The following TRIM58 variants were observed in gnomAD, a reference collection of about 807,000 sequenced individuals.
TRIM58 encodes tripartite motif containing 58.
In TRIM58, 38 loss-of-function variants were observed where a neutral mutation model predicts 34.1. That is an observed-to-expected ratio of 1.12 (90% CI 0.86 to 1.46). The LOEUF is 1.46. Ranked by LOEUF, TRIM58 falls within the 40% of genes most tolerant of loss-of-function variation. The pLI is 0.00. For missense variants in TRIM58, 677 were observed against 642.0 expected (o/e 1.05, Z -0.59); for synonymous variants, 273 against 275.7 (o/e 0.99, Z 0.10).
intron 2 of TRIM58, among the ~76,000 whole-genome samples, chr1:247,863,707 TC>T (rs1663852819): frequency 6.6e-6 from 1 of 152,180 alleles, no homozygotes; most frequent in South Asian, 2.1e-4. Context: ...AATTTACCTC[TC>T]GTACTCAGCT....
chr1:247,859,423 C>T (rs1663726422), intron 1 of TRIM58, among the ~76,000 whole-genome samples: 1 of 152,066 alleles, frequency 6.6e-6, no homozygotes, highest in African/African-American at 2.4e-5. Flanking sequence ...TTATAATATT[C>T]TCCTTTTAAA....
chr1:247,864,399 C>T lies in TRIM58; in HGVS notation c.517-306C>T, dbSNP rs576522287. Among the ~76,000 whole-genome samples the T allele has an allele frequency of 3.5e-4, 54 of 152,178 alleles. No homozygotes were observed. In the South Asian group the frequency reaches 9.6e-3, roughly 27 times the overall value. ...CTGACCTCAAGCACTCCTCTTGCCTCGACCTCCCCAAAACCTCACATTTTG... is the reference window on the plus strand; with the variant it reads ...CTGACCTCAAGCACTCCTCTTGCCTTGACCTCCCCAAAACCTCACATTTTG... On this transcript the variant is annotated intron_variant, in intron 2 of 5. Transcript: ENST00000366481.
Position 247,860,651 on chromosome 1 carries a change from A to T in TRIM58, c.455A>T (p.Lys152Ile). 6.2e-7 allele frequency: 1 copy of T among 1,613,864 alleles called. No individual in the cohort carries two copies. The highest frequency in any genetic ancestry group is 8.5e-7 in the Non-Finnish European group (1 of 1,179,898). ...KLQMALELMR[K>I]ELEDALTQEA... ...CAGATGGCTCTGGAACTTATGAGGAAAGAGTTGGAGGACGCCTTGACTCAG... is the reference window on the plus strand; with the variant it reads ...CAGATGGCTCTGGAACTTATGAGGATAGAGTTGGAGGACGCCTTGACTCAG... Residue 152 changes from lysine to isoleucine, a missense_variant, in exon 2 of 6, where the codon AAA (lysine) becomes ATA (isoleucine). Transcript: ENST00000366481.
Position 247,868,210 on chromosome 1 carries a change from A to G in TRIM58, c.871+147A>G, listed in dbSNP as rs79846999. The G allele has an allele frequency of 1.4e-3, 906 of 649,982 alleles. 10 individuals carry two copies. The African/African-American group carries it at 0.015, about 11-fold the overall frequency. 40.3% of individuals were successfully genotyped at this position (649,982 alleles called of 1,614,324 possible). On this transcript the variant is annotated intron_variant, in intron 5 of 5. Coordinates refer to ENST00000366481, the MANE Select transcript of TRIM58 (RefSeq NM_015431.4). ...CTATGCCAGTCAGCTGCAGTGACCA[A>G]CAGAACCTAAAGTCTTAGTGGCCCA...
At chr1:247,862,093 A>C (rs1663806180) in intron 2 of TRIM58, among the ~76,000 whole-genome samples, 1 of 152,166 alleles carries the variant, frequency 6.6e-6, no homozygotes, top group Non-Finnish European at 1.5e-5. Context: ...GTGCCATTGC[A>C]CTCCAGCCTG....
chr1:247,866,275 C>T (rs540712185), intron 3 of TRIM58, among the ~76,000 whole-genome samples: 6 of 152,150 alleles, frequency 3.9e-5, no homozygotes, highest in Admixed American at 6.5e-5. Context: ...CTCCTTGGCT[C>T]AAGCGATTCT....
rs188466397 is a variant in TRIM58, at chr1:247,857,775, C to T, written c.420+109C>T. On this transcript the variant is annotated intron_variant, in intron 1 of 5. Coordinates refer to ENST00000366481, the MANE Select transcript of TRIM58 (RefSeq NM_015431.4). ...CCGTCTCCTGAGCGGCTCCCACGGC[C>T]GCTCCCCCCACCGCGCGCCGTCCCC... 3,021 of 1,186,474 alleles carry T rather than the reference C, an allele frequency of 2.5e-3. 14 individuals carry two copies. The highest frequency in any genetic ancestry group is 0.016 in the South Asian group (380 of 23,142). 73.5% of individuals were successfully genotyped at this position (1,186,474 alleles called of 1,614,324 possible). A position where few individuals can be genotyped will look rare whatever the true frequency, so the allele number is the denominator to read the frequency against.
chr1:247,867,174 C>T (rs1283166416), intron 3 of TRIM58, among the ~76,000 whole-genome samples: 1 of 151,970 alleles, frequency 6.6e-6, no homozygotes. Context: ...ATTTATAATT[C>T]CTATAAAGAT....
chr1:247,860,519 A>G (rs980193268), intron 1 of TRIM58, 98 bp from the exon 2 acceptor site: 1 of 768,472 alleles, frequency 1.3e-6, no homozygotes, highest in Admixed American at 2.6e-5. Context: ...TGTGCTTTCT[A>G]GGGACTGTTT....
At chr1:247,869,910 A>T (rs577387818) in intron 5 of TRIM58, among the ~76,000 whole-genome samples, 140 of 152,270 alleles carry the variant, frequency 9.2e-4, no homozygotes, top group African/African-American at 3.4e-3. Context: ...ACCTTTCTTT[A>T]TTGGAGGAAA....
At chr1:247,873,837 G>T (rs1165669813) in intron 5 of TRIM58, among the ~76,000 whole-genome samples, 1 of 152,190 alleles carries the variant, frequency 6.6e-6, no homozygotes, top group African/African-American at 2.4e-5. Context: ...GGGCATGGTG[G>T]TGTGTGCCTT....
In TRIM58 at chr1:247,867,698, A is replaced by C. The variant is rs1572574677; in HGVS notation, c.748-147A>C. Reference sequence around the variant, plus strand: ...AGAACGAAACTCCATCTCAAAAAAAAAATAGAAAAGAGATTTATTGTCCCC... The same window carrying C: ...AGAACGAAACTCCATCTCAAAAAAACAATAGAAAAGAGATTTATTGTCCCC... On this transcript the variant is annotated intron_variant, in intron 3 of 5. Transcript: ENST00000366481. 3.0e-6 allele frequency: 3 copies of C among 995,392 alleles called. 1 individual carries two copies. Among genetic ancestry groups the C allele is most frequent in the Middle Eastern group, 6.6e-4 (2 of 3,040 alleles). 61.7% of individuals were successfully genotyped at this position (995,392 alleles called of 1,614,324 possible). A position where few individuals can be genotyped will look rare whatever the true frequency, so the allele number is the denominator to read the frequency against.
chr1:247,865,875 C>T (rs1489963788), intron 3 of TRIM58, among the ~76,000 whole-genome samples: 6 of 152,276 alleles, frequency 3.9e-5, no homozygotes, highest in South Asian at 2.1e-4. Flanking sequence ...AGCTGACCCA[C>T]GGATTCCACC....
chr1:247,867,898 T>C (rs1360879566), intron 4 of TRIM58, 31 bp downstream of exon 4: 4 of 1,613,860 alleles, frequency 2.5e-6, no homozygotes, highest in Middle Eastern at 1.6e-4. Context: ...GGTGAAGGGA[T>C]TGGGAGAGGC....
In TRIM58 at chr1:247,877,936, A is replaced by C. The variant is rs1041566220; in HGVS notation, c.*1447A>C. ...AGCACTTTGGGAGGCCGAGGTGGGC[A>C]GATCACGAGGTCAGGAGATTGAGAC... On this transcript the variant is annotated 3_prime_UTR_variant, in exon 6 of 6. Coordinates refer to ENST00000366481, the MANE Select transcript of TRIM58 (RefSeq NM_015431.4). 2 of 152,058 alleles carry C rather than the reference A, an allele frequency of 1.3e-5. No homozygotes were observed. Among genetic ancestry groups the C allele is most frequent in the African/African-American group, 4.8e-5 (2 of 41,390 alleles). The allele number at this position is 152,058 out of a possible 1,614,324, so 9.4% of individuals were successfully genotyped here. A position where few individuals can be genotyped will look rare whatever the true frequency, so the allele number is the denominator to read the frequency against.
intron 2 of TRIM58, among the ~76,000 whole-genome samples, chr1:247,863,371 C>G (rs1663844663): frequency 6.6e-6 from 1 of 151,992 alleles, no homozygotes; most frequent in Admixed American, 6.6e-5. Flanking sequence ...AACCCTGTCT[C>G]TACTAAAAAT....
chr1:247,865,022 C>A, intron 3 of TRIM58, 87 bp downstream of exon 3: 2 of 1,257,928 alleles, frequency 1.6e-6, no homozygotes, highest in Non-Finnish European at 2.1e-6. Context: ...AACACTTTGG[C>A]GTTTATGTTC....
intron 4 of TRIM58, 24 bp from the exon 5 acceptor site, chr1:247,867,939 C>A (rs758752414): frequency 1.9e-6 from 3 of 1,612,998 alleles, no homozygotes; most frequent in Non-Finnish European, 2.5e-6. Flanking sequence ...CTGCTGACTT[C>A]TGTGGTTTCT....
Position 247,876,148 on chromosome 1 carries a change from A to G in TRIM58, c.1120A>G (p.Thr374Ala), listed in dbSNP as rs374377047. 5.0e-6 allele frequency: 8 copies of G among 1,614,032 alleles called. No homozygotes were observed. In the African/African-American group the frequency reaches 9.3e-5, roughly 19 times the overall value. ...QDTLPRKGET[T>A]PSPENGVWAL... ...CACACTGCCAAGAAAGGGGGAAACC[A>G]CGCCATCTCCTGAGAATGGGGTCTG... Residue 374 changes from threonine (T) to alanine (A), a missense_variant, in exon 6 of 6, where the codon ACG (threonine) becomes GCG (alanine). Coordinates refer to ENST00000366481, the MANE Select transcript of TRIM58 (RefSeq NM_015431.4).
Sources: allele counts gnomAD v4.1 joint callset (sites outside exome capture counted in the v4.1 genomes callset), GRCh38; gene constraint gnomAD v4.1.1; transcripts MANE v1.5; gene names NCBI Gene and HGNC (gene_info 2026-07-23, HGNC 2026-07-21).